The following POM121 variants were observed in gnomAD, a reference collection of about 807,000 sequenced individuals.
POM121 encodes the protein nuclear envelope pore membrane protein POM 121.
A neutral mutation model predicts 81.3 loss-of-function variants in POM121; 32 were observed. The observed-to-expected ratio is 0.39, with a 90% CI of 0.30 to 0.53. The LOEUF (loss-of-function observed/expected upper bound fraction) is 0.53. POM121 is among the 20% of genes least tolerant of loss of function. The probability of loss-of-function intolerance (pLI) is 0.66; values close to 1 mark genes in which losing one functional copy is unlikely to be tolerated. For synonymous variants in POM121, 514 were observed against 694.2 expected, an observed-to-expected ratio of 0.74 and a Z score of 4.08; for missense variants, 1,138 against 1,614.6, an observed-to-expected ratio of 0.70 and a Z score of 5.06.
At chr7:72,950,613 T>C (rs1797980140), downstream of POM121, 1 of 172,358 alleles carries the variant, frequency 5.8e-6, no homozygotes, top group Non-Finnish European at 1.1e-5. Flanking sequence ...TCTTGATGGA[T>C]GAGGAGTTAG....
chr7:72,944,913 G>A (rs1374590674), intron 11 of POM121, among the ~76,000 whole-genome samples: 1 of 152,162 alleles, frequency 6.6e-6, no homozygotes, highest in Non-Finnish European at 1.5e-5. Context: ...AGGGTCCTCT[G>A]TGAATCAGGG....
At chr7:72,892,658 T>C (rs539028853) in intron 3 of POM121, among the ~76,000 whole-genome samples, 43 of 142,464 alleles carry the variant, frequency 3.0e-4, no homozygotes, top group African/African-American at 9.3e-4. Context: ...CCTCCCTCCC[T>C]CCCTTCCTTC....
At chr7:72,945,398 G>C (rs1181139016) in intron 11 of POM121, among the ~76,000 whole-genome samples, 188 bp from the exon 12 acceptor site, 3 of 151,838 alleles carry the variant, frequency 2.0e-5, no homozygotes, top group Non-Finnish European at 1.5e-5. Context: ...GGAGAAGCAG[G>C]CTGAGCTGGG....
At chr7:72,898,549 C>T (rs1194391553) in intron 3 of POM121, among the ~76,000 whole-genome samples, 1 of 152,144 alleles carries the variant, frequency 6.6e-6, no homozygotes, top group African/African-American at 2.4e-5. Flanking sequence ...GTAATCCCAA[C>T]ACTTTGGGAG....
exon 1 of POM121, chr7:72,879,750 C>T: frequency 2.1e-6 from 1 of 481,182 alleles, no homozygotes; most frequent in Non-Finnish European, 4.1e-6. Flanking sequence ...TAGGCCCGGC[C>T]CGGGCCCCTC....
At chr7:72,923,353 C>T (rs1795008561), upstream of POM121, among the ~76,000 whole-genome samples, 1 of 152,132 alleles carries the variant, frequency 6.6e-6, no homozygotes. Context: ...AGTGCTCCTT[C>T]ATCTGCCTTG....
chr7:72,939,614 G>A (rs564758754), intron 7 of POM121, among the ~76,000 whole-genome samples: 1 of 152,352 alleles, frequency 6.6e-6, no homozygotes, highest in Non-Finnish European at 1.5e-5. Context: ...CGATTGGATA[G>A]AGGTAAGCTC....
Position 72,944,430 on chromosome 7 carries a change from A to G in POM121, c.3529+908A>G, listed in dbSNP as rs1417584071. Among the ~76,000 whole-genome samples, 13 of 152,196 alleles carry G rather than the reference A, an allele frequency of 8.5e-5. No individual in the cohort carries two copies. In the South Asian group the frequency reaches 2.7e-3, roughly 32 times the overall value. On this transcript the variant is annotated intron_variant, in intron 11 of 12. Transcript: ENST00000434423. Reference sequence around the variant, plus strand: ...GTGTATAAAAAAAGGGGTCTTTTGAAATAGTCATTTTGGACAGTGGGGGAA... The same window carrying G: ...GTGTATAAAAAAAGGGGTCTTTTGAGATAGTCATTTTGGACAGTGGGGGAA...
chr7:72,907,402 AAATT>A (rs1263522661), intron 3 of POM121, among the ~76,000 whole-genome samples: 1 of 152,176 alleles, frequency 6.6e-6, no homozygotes, highest in Non-Finnish European at 1.5e-5. Context: ...TAAACTCAAG[AAATT>A]ATATTCACCC....
rs782288859 is a variant in POM121 at position 72,925,098 on chromosome 7, TCTC to T, written c.-19_-17del. 14 of 1,393,162 alleles carry T rather than the reference TCTC, an allele frequency of 1.0e-5. No individual in the cohort carries two copies. Among genetic ancestry groups the T allele is most frequent in the South Asian group, 4.9e-5 (3 of 60,818 alleles). The allele number at this position is 1,393,162 out of a possible 1,614,324, so 86.3% of individuals were successfully genotyped here. Reference sequence around the variant, plus strand: ...CGCGGTGCACGCTGGGATATTTAAGTCTCCTCCGCGGCGCGGAGCCGCGATGTC... The same window carrying T: ...CGCGGTGCACGCTGGGATATTTAAGTCTCCGCGGCGCGGAGCCGCGATGTC... On this transcript the variant is annotated 5_prime_UTR_variant, in exon 1 of 13. Coordinates refer to ENST00000434423, the MANE Select transcript of POM121 (RefSeq NM_001387691.1).
intron 6 of POM121, 119 bp downstream of exon 6, chr7:72,938,800 CT>C (rs1214123988): frequency 2.4e-6 from 3 of 1,226,654 alleles, no homozygotes; most frequent in South Asian, 2.4e-5. Flanking sequence ...ATCAAAGAAA[CT>C]TAAGTCCCTG....
chr7:72,907,591 A>G (rs1457276150), intron 3 of POM121, among the ~76,000 whole-genome samples: 1 of 151,352 alleles, frequency 6.6e-6, no homozygotes, highest in African/African-American at 2.4e-5. Context: ...GCTCACTGCA[A>G]CCTCCACCTC....
chr7:72,907,848 CCTT>C (rs1362615270), intron 3 of POM121, among the ~76,000 whole-genome samples: 1 of 152,166 alleles, frequency 6.6e-6, no homozygotes, highest in East Asian at 1.9e-4. Context: ...TCTTTCCTCT[CCTT>C]CTGGGAATTC....
At chr7:72,904,442 G>A (rs1793032042) in intron 3 of POM121, among the ~76,000 whole-genome samples, 1 of 152,168 alleles carries the variant, frequency 6.6e-6, no homozygotes, top group Admixed American at 6.5e-5. Context: ...TCTGCCCTAC[G>A]TGAGTTCTGG....
chr7:72,929,537 G>T (rs1241275561), intron 4 of POM121, among the ~76,000 whole-genome samples: 1 of 151,982 alleles, frequency 6.6e-6, no homozygotes, highest in African/African-American at 2.4e-5. Context: ...AAAATAGACC[G>T]TACTTGTTTA....
Position 72,942,752 on chromosome 7 carries a change from G to C in POM121, c.2759G>C (p.Gly920Ala). 2 of 1,406,946 alleles carry C rather than the reference G, an allele frequency of 1.4e-6. No homozygotes were observed. The highest frequency in any genetic ancestry group is 2.4e-5 in the Admixed American group (1 of 41,138). 87.2% of individuals were successfully genotyped at this position (1,406,946 alleles called of 1,614,324 possible). ...AGCAGCAGCGCTGCCGACTTTAGTGGTTTTGGCAGCACCCTCGCCACCTCC... is the reference window on the plus strand; with the variant it reads ...AGCAGCAGCGCTGCCGACTTTAGTGCTTTTGGCAGCACCCTCGCCACCTCC... ...ATSSSAADFS[G>A]FGSTLATSAP... Residue 920 changes from glycine to alanine, a missense_variant, in exon 11 of 13, where the codon GGT becomes GCT. Gly to Ala is a moderately conservative substitution (Grantham distance 60). Coordinates refer to ENST00000434423, the MANE Select transcript of POM121 (RefSeq NM_001387691.1).
Position 72,939,331 on chromosome 7 carries a change from G to A in POM121, c.1368-5G>A, listed in dbSNP as rs782409217. ...TAGACTAAATTGTTCCTTTTTTCCT[G>A]ACAGAGAAGAGGAGCTGTGTCATCA... On this transcript the variant is annotated splice_region_variant and splice_polypyrimidine_tract_variant and intron_variant, in intron 6 of 12. Transcript: ENST00000434423. The A allele has an allele frequency of 6.2e-7, 1 of 1,612,998 alleles. No homozygotes were observed. Among genetic ancestry groups the A allele is most frequent in the Non-Finnish European group, 8.5e-7 (1 of 1,179,584 alleles).
At chr7:72,939,766 G>T in intron 7 of POM121, 81 bp from the exon 8 acceptor site, 1 of 1,610,612 alleles carries the variant, frequency 6.2e-7, no homozygotes, top group Middle Eastern at 2.3e-4. Context: ...AAAACTCAAT[G>T]TGAAATGCGA....
downstream of POM121, chr7:72,949,404 C>T: frequency 8.1e-7 from 1 of 1,241,016 alleles, no homozygotes; most frequent in Non-Finnish European, 1.2e-6. Flanking sequence ...CCTCCTCAGC[C>T]AGCTCACAGC....
Sources: gnomAD v4.1 joint callset for allele counts (sites outside exome capture counted in the v4.1 genomes callset) on GRCh38, gnomAD v4.1.1 for gene constraint, MANE v1.5 for transcripts, NCBI Gene and HGNC (gene_info 2026-07-23, HGNC 2026-07-21) for gene names.